Variants in LRRIQ1 observed in about 807,000 individuals in gnomAD.
LRRIQ1 encodes leucine-rich repeat- and IQ domain-containing protein 1.
LRRIQ1 carries 210 observed loss-of-function variants against 211.9 expected under a neutral mutation model. That is an observed-to-expected ratio of 0.99 (90% CI 0.89 to 1.11). The LOEUF is 1.11. Among genes scored for constraint, LRRIQ1 ranks in the 50% most tolerant of loss-of-function variants. The pLI is 0.00. For missense variants in LRRIQ1, 2,136 were observed against 1,939.5 expected (o/e 1.10, Z -1.90); for synonymous variants, 699 against 650.1 (o/e 1.08, Z -1.14).
At chr12:85,036,633 A>G (rs1878122527) in intron 1 of LRRIQ1, among the ~76,000 whole-genome samples, 1 of 152,144 alleles carries the variant, frequency 6.6e-6, no homozygotes, top group Non-Finnish European at 1.5e-5. Flanking sequence ...TGTAGGGATC[A>G]TTCGATGGTT....
intron 24 of LRRIQ1, among the ~76,000 whole-genome samples, chr12:85,174,418 C>T (rs1185070909): frequency 6.6e-6 from 1 of 151,458 alleles, no homozygotes; most frequent in East Asian, 1.9e-4. Flanking sequence ...GATCCAGGCC[C>T]GAAGCAGTGG....
chr12:85,047,221 GA>G (rs770236295), intron 5 of LRRIQ1, 25 bp from the exon 6 acceptor site: 2 of 1,502,982 alleles, frequency 1.3e-6, no homozygotes, highest in Non-Finnish European at 1.8e-6. Context: ...TACAAATGAT[GA>G]TGTTATTTTT....
intron 11 of LRRIQ1, among the ~76,000 whole-genome samples, chr12:85,083,949 A>G (rs1009034458): frequency 1.3e-5 from 2 of 152,128 alleles, no homozygotes; most frequent in Admixed American, 1.3e-4. Flanking sequence ...TTCTACTTGT[A>G]TTTATCATAT....
chr12:85,238,202 ACT>A (rs557975705), intron 26 of LRRIQ1, among the ~76,000 whole-genome samples: 4 of 151,916 alleles, frequency 2.6e-5, no homozygotes, highest in Non-Finnish European at 5.9e-5. Flanking sequence ...AGCAAGATAA[ACT>A]CTCCAAAGTG....
At position 85,153,984 on chromosome 12, in the gene LRRIQ1, AC is replaced by A. The variant is rs772189749; in HGVS notation, c.4638-26del. 63 of 1,427,774 alleles carry A rather than the reference AC, an allele frequency of 4.4e-5. 2 individuals carry two copies. Among genetic ancestry groups the A allele is most frequent in the Admixed American group, 3.6e-4 (16 of 44,322 alleles). 88.4% of individuals were successfully genotyped at this position (1,427,774 alleles called of 1,614,324 possible). ...TAAATATGATCCGGGTATTTGTTTT[AC>A]CTTTATTATATTTAATCTTTTAATA... On this transcript the variant is annotated intron_variant, in intron 22 of 26. Transcript: ENST00000393217.
At chr12:85,228,388 G>A (rs1196580075) in intron 24 of LRRIQ1, among the ~76,000 whole-genome samples, 1 of 152,190 alleles carries the variant, frequency 6.6e-6, no homozygotes. Context: ...TGTGAAGTAA[G>A]TGTTCCTCTA....
chr12:85,071,450 A>G (rs1389375291), intron 10 of LRRIQ1, among the ~76,000 whole-genome samples: 1 of 151,936 alleles, frequency 6.6e-6, no homozygotes, highest in Non-Finnish European at 1.5e-5. Context: ...ATGGATATTG[A>G]ATGGTTTCCA....
intron 18 of LRRIQ1, among the ~76,000 whole-genome samples, chr12:85,129,622 G>C (rs1258534701): frequency 6.6e-6 from 1 of 152,176 alleles, no homozygotes. Context: ...TCTGTGGGAA[G>C]AATATTCGAG....
intron 24 of LRRIQ1, among the ~76,000 whole-genome samples, chr12:85,196,073 A>C (rs1442000576): frequency 2.0e-5 from 3 of 152,126 alleles, no homozygotes; most frequent in Non-Finnish European, 4.4e-5. Context: ...ACTCCCATTC[A>C]CAATTGCTTC....
intron 8 of LRRIQ1, among the ~76,000 whole-genome samples, chr12:85,064,005 CA>C (rs1451099223): frequency 6.6e-6 from 1 of 151,730 alleles, no homozygotes; most frequent in Non-Finnish European, 1.5e-5. Flanking sequence ...AATGAGGGTA[CA>C]GATAACTCTT....
At chr12:85,205,499 G>T (rs949475922) in intron 24 of LRRIQ1, among the ~76,000 whole-genome samples, 1 of 152,010 alleles carries the variant, frequency 6.6e-6, no homozygotes, top group Non-Finnish European at 1.5e-5. Flanking sequence ...CTTTGTGGGT[G>T]ACCTGCCCTT....
chr12:85,154,438 C>T (rs1183596144), intron 23 of LRRIQ1, among the ~76,000 whole-genome samples: 12 of 151,244 alleles, frequency 7.9e-5, no homozygotes, highest in Non-Finnish European at 1.5e-5. Flanking sequence ...TAGTCTTTTG[C>T]GTGCTTTTAA....
intron 24 of LRRIQ1, among the ~76,000 whole-genome samples, chr12:85,212,781 T>TAG (rs1419331380): frequency 1.4e-5 from 2 of 145,268 alleles, no homozygotes; most frequent in African/African-American, 5.2e-5. Context: ...ATATTTTATA[T>TAG]ATATATAGAG....
At chr12:85,078,944 A>G (rs1027085164) in intron 11 of LRRIQ1, among the ~76,000 whole-genome samples, 2 of 152,198 alleles carry the variant, frequency 1.3e-5, no homozygotes, top group Admixed American at 6.5e-5. Flanking sequence ...AAAGAGTTAT[A>G]CTGGGAAGAA....
intron 24 of LRRIQ1, among the ~76,000 whole-genome samples, chr12:85,164,126 A>G (rs1014503715): frequency 1.2e-4 from 18 of 152,166 alleles, no homozygotes; most frequent in African/African-American, 4.3e-4. Context: ...GGATTTCAAT[A>G]TCCTATATTG....
chr12:85,133,983 G>A (rs1888951281), intron 18 of LRRIQ1, among the ~76,000 whole-genome samples: 1 of 152,094 alleles, frequency 6.6e-6, no homozygotes, highest in Non-Finnish European at 1.5e-5. Flanking sequence ...ATGCCCATCT[G>A]TATCAGCATC....
chr12:85,076,126 A>G (rs184745917), intron 11 of LRRIQ1, among the ~76,000 whole-genome samples: 1 of 152,190 alleles, frequency 6.6e-6, no homozygotes, highest in Non-Finnish European at 1.5e-5. Context: ...ACATTTTTTC[A>G]AAATAAATTT....
intron 8 of LRRIQ1, among the ~76,000 whole-genome samples, chr12:85,057,700 A>G (rs1881295331): frequency 1.3e-5 from 2 of 152,094 alleles, no homozygotes; most frequent in South Asian, 2.1e-4. Flanking sequence ...AAGGTGGTGC[A>G]TATATGTCTG....
chr12:85,178,310 A>G (rs1249297378), intron 24 of LRRIQ1, among the ~76,000 whole-genome samples: 2 of 152,040 alleles, frequency 1.3e-5, no homozygotes, highest in Non-Finnish European at 1.5e-5. Flanking sequence ...ACAAGCTGTA[A>G]TACTGCCATT....
Sources: gnomAD v4.1 joint callset for allele counts (sites outside exome capture counted in the v4.1 genomes callset) on GRCh38, gnomAD v4.1.1 for gene constraint, MANE v1.5 for transcripts, NCBI Gene and HGNC (gene_info 2026-07-23, HGNC 2026-07-21) for gene names.